CNNM2: variants seen among roughly 807,000 people sequenced by gnomAD.
CNNM2 encodes the protein cyclin and CBS domain divalent metal cation transport mediator 2, also known as metal transporter CNNM2.
Under a neutral mutation model 66.9 loss-of-function variants are expected in CNNM2, and 12 were observed. The ratio of observed to expected loss-of-function variants is 0.18; its 90% confidence interval spans 0.11 to 0.29. CNNM2 has a LOEUF of 0.29. Among genes scored for constraint, CNNM2 ranks in the 10% least tolerant of loss-of-function variants. The probability of loss-of-function intolerance (pLI) is 1.00; values close to 1 mark genes in which losing one functional copy is unlikely to be tolerated. For missense variants in CNNM2, 705 were observed against 1,167.7 expected (o/e 0.60, Z 5.77); for synonymous variants, 557 against 501.8 (o/e 1.11, Z -1.47).
At chr10:103,013,462 A>G (rs1406599893) in intron 1 of CNNM2, among the ~76,000 whole-genome samples, 2 of 152,166 alleles carry the variant, frequency 1.3e-5, no homozygotes, top group East Asian at 3.8e-4. Flanking sequence ...AAGGAAGGGA[A>G]ATCTGCTACC....
intron 1 of CNNM2, among the ~76,000 whole-genome samples, chr10:102,997,636 A>T (rs901211344): frequency 2.0e-5 from 3 of 152,154 alleles, no homozygotes; most frequent in African/African-American, 7.2e-5. Flanking sequence ...ATATTTATAA[A>T]GTATAATTTA....
chr10:103,008,614 AC>A (rs2064273685), intron 1 of CNNM2, among the ~76,000 whole-genome samples: 1 of 151,952 alleles, frequency 6.6e-6, no homozygotes, highest in Admixed American at 6.6e-5. Context: ...CTGTATCTCT[AC>A]CAAAAATACA....
rs1240514153 is a variant in CNNM2 at position 103,082,647 on chromosome 10, G to A, written c.*5467G>A. Reference sequence around the variant, plus strand: ...ATCCTAGGGTTCTGCTGTCCTTTAAGGCGGGTGAGAGGGTAGTGTTGTTTT... The same window carrying A: ...ATCCTAGGGTTCTGCTGTCCTTTAAAGCGGGTGAGAGGGTAGTGTTGTTTT... On this transcript the variant is annotated 3_prime_UTR_variant, in exon 8 of 8. Transcript: ENST00000369878. The A allele has an allele frequency of 1.3e-5, 2 of 152,220 alleles. No homozygotes were observed. Among genetic ancestry groups the A allele is most frequent in the Non-Finnish European group, 2.9e-5 (2 of 68,064 alleles). The allele number at this position is 152,220 out of a possible 1,614,324, so 9.4% of individuals were successfully genotyped here.
At chr10:102,960,062 AAAATAAAT>A (rs58969618) in intron 1 of CNNM2, among the ~76,000 whole-genome samples, 30 of 151,616 alleles carry the variant, frequency 2.0e-4, no homozygotes, top group African/African-American at 6.8e-4. Flanking sequence ...AAAAAAATAA[AAAATAAAT>A]AAATAAATAA....
chr10:102,960,095 A>T (rs969149998), intron 1 of CNNM2, among the ~76,000 whole-genome samples: 1 of 151,602 alleles, frequency 6.6e-6, no homozygotes, highest in Admixed American at 6.6e-5. Context: ...ATAAAATGAG[A>T]ATAGTAATAA....
chr10:102,991,977 A>G (rs1159947746), intron 1 of CNNM2, among the ~76,000 whole-genome samples: 1 of 152,112 alleles, frequency 6.6e-6, no homozygotes, highest in Non-Finnish European at 1.5e-5. Context: ...TTTTTAGAGC[A>G]ATTTTTATAG....
At position 103,086,089 on chromosome 10, in the gene CNNM2, C is replaced by T. The variant is rs974177010; in HGVS notation, c.*8909C>T. On this transcript the variant is annotated 3_prime_UTR_variant, in exon 8 of 8. Transcript: ENST00000369878. Reference sequence around the variant, plus strand: ...TCACCTGTTTCTGCTTTCTGGTTGCCTGTGCCTGTGGTCATCCCTGCTCCT... The same window carrying T: ...TCACCTGTTTCTGCTTTCTGGTTGCTTGTGCCTGTGGTCATCCCTGCTCCT... The T allele has an allele frequency of 1.3e-5, 2 of 152,588 alleles. No individual in the cohort carries two copies. Among genetic ancestry groups the T allele is most frequent in the African/African-American group, 4.8e-5 (2 of 41,548 alleles). 9.5% of individuals were successfully genotyped at this position (152,588 alleles called of 1,614,324 possible).
intron 1 of CNNM2, among the ~76,000 whole-genome samples, chr10:102,958,754 G>A (rs1847146027): frequency 6.6e-6 from 1 of 152,020 alleles, no homozygotes; most frequent in Non-Finnish European, 1.5e-5. Flanking sequence ...ATAGGTGTGA[G>A]CCACTGTGCC....
At chr10:102,994,665 C>G (rs1258888131) in intron 1 of CNNM2, among the ~76,000 whole-genome samples, 1 of 152,234 alleles carries the variant, frequency 6.6e-6, no homozygotes, top group East Asian at 1.9e-4. Context: ...CTAAAGCTGT[C>G]GGCTCCAGAA....
At chr10:103,012,284 C>A (rs1265156221) in intron 1 of CNNM2, among the ~76,000 whole-genome samples, 1 of 152,204 alleles carries the variant, frequency 6.6e-6, no homozygotes, top group East Asian at 1.9e-4. Flanking sequence ...TATTAGTTAA[C>A]ACCCCCACCA....
At position 103,080,712 on chromosome 10, in the gene CNNM2, C is replaced by T. The variant is rs891004344; in HGVS notation, c.*3532C>T. 2.0e-5 allele frequency: 3 copies of T among 152,164 alleles called. No homozygotes were observed. Among genetic ancestry groups the T allele is most frequent in the South Asian group, 4.1e-4 (2 of 4,826 alleles). 9.4% of individuals were successfully genotyped at this position (152,164 alleles called of 1,614,324 possible). On this transcript the variant is annotated 3_prime_UTR_variant, in exon 8 of 8. Transcript: ENST00000369878. ...CTGTGAGTATATTTACCTGTGCTGT[C>T]GTCAGCACTGTACACTAAAGGACCA...
rs1199726172 is a variant in CNNM2 at position 103,085,305 on chromosome 10, A to AAGAT, written c.*8127_*8130dup. ...GTGGGTCCAAAAAGTGACTTGTTTA[A>AAGAT]AGATACCCACACACTCAAGTCAAAG... On this transcript the variant is annotated 3_prime_UTR_variant, in exon 8 of 8. Coordinates refer to ENST00000369878, the MANE Select transcript of CNNM2 (RefSeq NM_017649.5). 6.6e-6 allele frequency: 1 copy of AAGAT among 152,190 alleles called. No homozygotes were observed. Among genetic ancestry groups the AAGAT allele is most frequent in the East Asian group, 1.9e-4 (1 of 5,202 alleles). The allele number at this position is 152,190 out of a possible 1,614,324, so 9.4% of individuals were successfully genotyped here.
At chr10:102,939,601 T>C (rs1287394801) in intron 1 of CNNM2, among the ~76,000 whole-genome samples, 1 of 152,232 alleles carries the variant, frequency 6.6e-6, no homozygotes, top group East Asian at 1.9e-4. Flanking sequence ...TTTGTCCTTA[T>C]GTCTCCTTCC....
chr10:103,005,319 A>C (rs2064204290), intron 1 of CNNM2, among the ~76,000 whole-genome samples: 1 of 152,114 alleles, frequency 6.6e-6, no homozygotes. Context: ...TTTCATTCTA[A>C]AATTTCTATT....
chr10:102,987,616 C>T lies in CNNM2; in HGVS notation c.1622-62091C>T, dbSNP rs11191491. Among the ~76,000 whole-genome samples, 15,906 of 151,826 alleles carry T rather than the reference C, an allele frequency of 0.1. 1,085 individuals carry two copies. The highest frequency in any genetic ancestry group is 0.15 in the Non-Finnish European group (10,038 of 67,948). Reference sequence around the variant, plus strand: ...GATTACAGGCTTGAGCCACTGCGCCCGGCCAAGCTTATTTTTATATGGATT... The same window carrying T: ...GATTACAGGCTTGAGCCACTGCGCCTGGCCAAGCTTATTTTTATATGGATT... On this transcript the variant is annotated intron_variant, in intron 1 of 7. Coordinates refer to ENST00000369878, the MANE Select transcript of CNNM2 (RefSeq NM_017649.5).
Position 102,918,653 on chromosome 10 carries a change from G to C in CNNM2, c.173G>C (p.Cys58Ser). 2 of 1,548,742 alleles carry C rather than the reference G, an allele frequency of 1.3e-6. No individual in the cohort carries two copies. The highest frequency in any genetic ancestry group is 2.4e-5 in the South Asian group (2 of 83,772). The stretch of plus-strand genomic sequence containing the variant: ...CCGCTGCTCCTGCTGAGCTGCTGCT[G>C]CGGTGCGGGCGGCTGCGCAGCGGTG... ...LLPLLLLSCCCGAGGCAAVGE... is the reference protein window; with the variant it reads ...LLPLLLLSCCSGAGGCAAVGE... Residue 58 changes from cysteine to serine, a missense_variant, in exon 1 of 8, where the codon TGC becomes TCC. Cys to Ser is a moderately radical substitution (Grantham distance 112). Around this residue, in one of 9 missense-constraint regions of CNNM2, gnomAD observed 37 missense variants for 58.5 expected, o/e 0.63. Transcript: ENST00000369878. The surrounding 1 kb of genome is among the most constrained non-coding windows in gnomAD (Gnocchi z 4.1).
intron 1 of CNNM2, among the ~76,000 whole-genome samples, chr10:102,979,136 T>A (rs1336698567): frequency 6.6e-6 from 1 of 152,244 alleles, no homozygotes; most frequent in Non-Finnish European, 1.5e-5. Flanking sequence ...ATGTTGGGTA[T>A]ATACCTAGGA....
intron 1 of CNNM2, among the ~76,000 whole-genome samples, chr10:103,023,967 G>A (rs80314849): frequency 6.6e-6 from 1 of 152,216 alleles, no homozygotes; most frequent in African/African-American, 2.4e-5. Flanking sequence ...ATCCTAAACT[G>A]TTTTTGCATA....
intron 1 of CNNM2, among the ~76,000 whole-genome samples, chr10:103,005,289 G>A (rs937158602): frequency 4.6e-5 from 7 of 152,018 alleles, no homozygotes; most frequent in Non-Finnish European, 8.8e-5. Context: ...TATATGATTC[G>A]TTGATACTAT....
Sources: allele counts gnomAD v4.1 joint callset (sites outside exome capture counted in the v4.1 genomes callset), GRCh38; gene constraint gnomAD v4.1.1; regional missense constraint gnomAD v4.1.1; non-coding constraint Gnocchi (gnomAD v3.1); transcripts MANE v1.5; gene names NCBI Gene and HGNC (gene_info 2026-07-23, HGNC 2026-07-21).